The following ATP13A4 variants were observed in gnomAD, a reference collection of about 807,000 sequenced individuals.
ATP13A4 encodes probable cation-transporting ATPase 13A4.
ATP13A4 carries 114 observed loss-of-function variants against 142.5 expected under a neutral mutation model. That is an observed-to-expected ratio of 0.80 (90% CI 0.69 to 0.93). The LOEUF is 0.93. ATP13A4 is among the 40% of genes least tolerant of loss of function. The pLI is 0.00. For missense variants in ATP13A4, 1,392 were observed against 1,454.0 expected (o/e 0.96, Z 0.69); for synonymous variants, 488 against 514.8 (o/e 0.95, Z 0.70).
chr3:193,561,124 C>T (rs1724008544), intron 2 of ATP13A4, among the ~76,000 whole-genome samples: 1 of 152,178 alleles, frequency 6.6e-6, no homozygotes, highest in Admixed American at 6.5e-5. Flanking sequence ...CAGTAGTACC[C>T]ACAGGGGACC....
At chr3:193,403,620 A>T in intron 29 of ATP13A4, 1 of 425,122 alleles carries the variant, frequency 2.4e-6, no homozygotes, top group Non-Finnish European at 3.1e-6. Flanking sequence ...ATACAGTATT[A>T]AGATTACAAA....
intron 17 of ATP13A4, among the ~76,000 whole-genome samples, chr3:193,448,616 G>A (rs370223394): frequency 6.6e-5 from 10 of 152,136 alleles, no homozygotes; most frequent in African/African-American, 2.2e-4. Context: ...AATTACAGGC[G>A]TGAGCCACTG....
At chr3:193,404,527 C>T (rs530586413) in intron 29 of ATP13A4, among the ~76,000 whole-genome samples, 31 of 152,232 alleles carry the variant, frequency 2.0e-4, no homozygotes, top group South Asian at 6.2e-4. Flanking sequence ...GTGACTGGGT[C>T]GTAGGGATGG....
chr3:193,491,409 A>G lies in ATP13A4; in HGVS notation c.534-11T>C. On this transcript the variant is annotated splice_polypyrimidine_tract_variant and intron_variant, in intron 5 of 29. Transcript: ENST00000342695. ...CCACATATTAACCTCCTATAGAAAG[A>G]AATCACAGATCACTCTGTCACAAAT... The G allele has an allele frequency of 6.5e-7, 1 of 1,540,504 alleles. No individual in the cohort carries two copies. Among genetic ancestry groups the G allele is most frequent in the African/African-American group, 1.4e-5 (1 of 73,198 alleles).
intron 25 of ATP13A4, among the ~76,000 whole-genome samples, chr3:193,416,800 A>G (rs2108606737): frequency 6.6e-6 from 1 of 152,322 alleles, no homozygotes. Context: ...AGACAAAAAG[A>G]ATAAGAAATA....
At chr3:193,415,020 C>T (rs1369512888) in intron 25 of ATP13A4, among the ~76,000 whole-genome samples, 1 of 152,146 alleles carries the variant, frequency 6.6e-6, no homozygotes, top group Non-Finnish European at 1.5e-5. Flanking sequence ...GAAATATACT[C>T]TCTCATATAT....
At chr3:193,439,608 A>G (rs1266398459) in intron 21 of ATP13A4, among the ~76,000 whole-genome samples, 1 of 152,234 alleles carries the variant, frequency 6.6e-6, no homozygotes, top group Non-Finnish European at 1.5e-5. Context: ...CAACTCAAGT[A>G]TGTAATGCCA....
At chr3:193,405,074 C>A (rs544148046) in intron 29 of ATP13A4, among the ~76,000 whole-genome samples, 3 of 152,280 alleles carry the variant, frequency 2.0e-5, no homozygotes, top group African/African-American at 7.2e-5. Flanking sequence ...CAGGGCTGAT[C>A]AGAGATTAGA....
intron 3 of ATP13A4, among the ~76,000 whole-genome samples, chr3:193,499,814 C>T (rs1720439651): frequency 6.6e-6 from 1 of 152,190 alleles, no homozygotes; most frequent in South Asian, 2.1e-4. Context: ...AAACCACACA[C>T]TGAGGTTGAA....
intron 15 of ATP13A4, 65 bp from the exon 16 acceptor site, chr3:193,457,218 C>T: frequency 1.9e-6 from 3 of 1,597,960 alleles, no homozygotes; most frequent in Non-Finnish European, 2.6e-6. Flanking sequence ...GGGAATTAAC[C>T]ACTCCTTCCG....
At chr3:193,537,979 T>C (rs1381815301) in intron 1 of ATP13A4, among the ~76,000 whole-genome samples, 1 of 152,128 alleles carries the variant, frequency 6.6e-6, no homozygotes, top group East Asian at 1.9e-4. Context: ...GAGATGTAGC[T>C]ATAAAAAAAA....
At chr3:193,431,288 G>C (rs1560181617) in intron 25 of ATP13A4, among the ~76,000 whole-genome samples, 1 of 145,882 alleles carries the variant, frequency 6.9e-6, no homozygotes, top group Non-Finnish European at 1.5e-5. Context: ...TATCAGATCT[G>C]GGGGAATTAA....
intron 25 of ATP13A4, among the ~76,000 whole-genome samples, chr3:193,428,817 G>C (rs1052950794): frequency 1.3e-5 from 2 of 150,108 alleles, no homozygotes; most frequent in African/African-American, 2.5e-5. Context: ...GGGAGGGATA[G>C]CATTAGGAGA....
chr3:193,471,098 T>G (rs1181907182), intron 8 of ATP13A4, 105 bp from the exon 9 acceptor site: 2 of 1,506,270 alleles, frequency 1.3e-6, no homozygotes, highest in Non-Finnish European at 1.8e-6. Flanking sequence ...CAAGACATTT[T>G]TTTTTTAGAA....
At chr3:193,536,764 T>C (rs1468379533) in intron 1 of ATP13A4, among the ~76,000 whole-genome samples, 1 of 152,092 alleles carries the variant, frequency 6.6e-6, no homozygotes, top group Non-Finnish European at 1.5e-5. Flanking sequence ...TGAGTGATTT[T>C]AGCAGTTACA....
intron 3 of ATP13A4, among the ~76,000 whole-genome samples, chr3:193,496,108 G>A (rs1720209636): frequency 6.6e-6 from 1 of 152,132 alleles, no homozygotes; most frequent in African/African-American, 2.4e-5. Flanking sequence ...CATTCTCATG[G>A]ATTGAAAGAA....
At chr3:193,500,219 C>T (rs541499111) in intron 3 of ATP13A4, among the ~76,000 whole-genome samples, 1 of 152,226 alleles carries the variant, frequency 6.6e-6, no homozygotes, top group South Asian at 2.1e-4. Flanking sequence ...TCTTTCTGCT[C>T]AGGAATAAGG....
In ATP13A4 at chr3:193,464,966, G is replaced by C; in HGVS notation, c.1435C>G (p.Gln479Glu). 2 of 1,614,124 alleles carry C rather than the reference G, an allele frequency of 1.2e-6. No individual in the cohort carries two copies. The highest frequency in any genetic ancestry group is 1.7e-6 in the Non-Finnish European group (2 of 1,180,004). ...ISPQRINVCGQLNLVCFDKTG... is the reference protein window; with the variant it reads ...ISPQRINVCGELNLVCFDKTG... ...TTGTCAAAGCAGACAAGGTTTAACTGTCCACATACGTTGATCCTCTGGGGG... is the reference window on the plus strand; with the variant it reads ...TTGTCAAAGCAGACAAGGTTTAACTCTCCACATACGTTGATCCTCTGGGGG... The change falls in exon 12 of 30, where the codon CAG becomes GAG. Residue 479 changes from glutamine to glutamate, a missense_variant. By Grantham distance (29) the Gln-to-Glu change is conservative (BLOSUM62 2). Transcript: ENST00000342695.
chr3:193,514,940 T>G, intron 1 of ATP13A4, 69 bp from the exon 2 acceptor site: 1 of 1,542,986 alleles, frequency 6.5e-7, no homozygotes, highest in Non-Finnish European at 8.9e-7. Flanking sequence ...CAAATACTGA[T>G]TTTAGTGATG....
Sources: gnomAD v4.1 joint callset for allele counts (sites outside exome capture counted in the v4.1 genomes callset) on GRCh38, gnomAD v4.1.1 for gene constraint, MANE v1.5 for transcripts, NCBI Gene and HGNC (gene_info 2026-07-23, HGNC 2026-07-21) for gene names.